PCDHGA3: variants seen among roughly 807,000 people sequenced by gnomAD.
PCDHGA3 encodes the protein protocadherin gamma-A3.
A neutral mutation model predicts 58.5 loss-of-function variants in PCDHGA3; 40 were observed. The observed-to-expected ratio is 0.68, with a 90% CI of 0.53 to 0.89. The LOEUF is 0.89. Among genes scored for constraint, PCDHGA3 ranks in the 40% least tolerant of loss-of-function variants. The pLI, the probability that PCDHGA3 is intolerant of heterozygous loss-of-function variation, is 0.00. For synonymous variants in PCDHGA3, 530 were observed against 525.7 expected, an observed-to-expected ratio of 1.01 and a Z score of -0.11; for missense variants, 1,223 against 1,195.9, an observed-to-expected ratio of 1.02 and a Z score of -0.33.
intron 1 of PCDHGA3, chr5:141,409,191 A>G: frequency 1.2e-6 from 2 of 1,613,970 alleles, no homozygotes; most frequent in African/African-American, 2.7e-5. Flanking sequence ...CTCTCTACCC[A>G]GTGTAAAGTA....
rs560733170 is a variant in PCDHGA3, at chr5:141,503,895, A to G, written c.2484-1498A>G. ...TTGTGCTCACCCACCATGACAAAATATGCACACACACAACGCAACACACAC... is the reference window on the plus strand; with the variant it reads ...TTGTGCTCACCCACCATGACAAAATGTGCACACACACAACGCAACACACAC... On this transcript the variant is annotated intron_variant, in intron 2 of 3. Transcript: ENST00000253812. Among the ~76,000 whole-genome samples, 12 of 152,302 alleles carry G rather than the reference A, an allele frequency of 7.9e-5. No individual in the cohort carries two copies. The South Asian group carries it at 2.1e-3, about 26-fold the overall frequency.
chr5:141,482,591 A>G lies in PCDHGA3; in HGVS notation c.2425-12216A>G, dbSNP rs115650612. Among the ~76,000 whole-genome samples the G allele has an allele frequency of 6.3e-4, 95 of 151,838 alleles. 1 individual carries two copies. The highest frequency in any genetic ancestry group is 2.3e-3 in the African/African-American group (95 of 41,350). On this transcript the variant is annotated intron_variant, in intron 1 of 3. Coordinates refer to ENST00000253812, the MANE Select transcript of PCDHGA3 (RefSeq NM_018916.4). ...ATAGCATAAGATGCAGTGGGACCAA[A>G]CGGGAAAAAACACCTAAATGAGCCT...
intron 1 of PCDHGA3, among the ~76,000 whole-genome samples, chr5:141,368,153 C>T (rs1012030751): frequency 2.6e-5 from 4 of 152,064 alleles, no homozygotes; most frequent in Non-Finnish European, 4.4e-5. Context: ...ACTTTTAAAA[C>T]CTTGAGCATC....
intron 1 of PCDHGA3, chr5:141,371,841 C>T: frequency 6.2e-7 from 1 of 1,613,716 alleles, no homozygotes; most frequent in Non-Finnish European, 8.5e-7. Context: ...CGACTTGGGA[C>T]CTAATGGCCT....
chr5:141,421,515 CTG>C, intron 1 of PCDHGA3: 1 of 1,614,080 alleles, frequency 6.2e-7, no homozygotes, highest in Non-Finnish European at 8.5e-7. Context: ...GGGAGGAGCT[CTG>C]TGAGACGGTG....
intron 1 of PCDHGA3, chr5:141,383,196 T>C (rs7704696): frequency 0.066 from 106,221 of 1,613,864 alleles, 4,924 homozygotes; most frequent in African/African-American, 0.24. Context: ...GCGCTCAGAG[T>C]GCGCGGTGTC....
At chr5:141,394,243 A>G (rs2092952699) in intron 1 of PCDHGA3, 2 of 1,613,844 alleles carry the variant, frequency 1.2e-6, no homozygotes, top group East Asian at 4.5e-5. Context: ...TTGACTGCAC[A>G]CGACCCCGAC....
intron 1 of PCDHGA3, chr5:141,392,941 C>T (rs780347240): frequency 6.2e-7 from 1 of 1,613,940 alleles, no homozygotes. Context: ...GACAAAGGCT[C>T]CTTCGTGGGT....
intron 1 of PCDHGA3, chr5:141,392,285 A>G (rs554377698): frequency 6.6e-6 from 1 of 152,312 alleles, no homozygotes; most frequent in East Asian, 1.9e-4. Flanking sequence ...TTAGAGCACA[A>G]TGGGAAATGA....
At chr5:141,421,417 G>A (rs1188564125) in intron 1 of PCDHGA3, 2 of 1,613,950 alleles carry the variant, frequency 1.2e-6, no homozygotes, top group Non-Finnish European at 1.7e-6. Context: ...GGCGAAGCGC[G>A]GAGTCCGCAT....
rs756332070 is a variant in PCDHGA3, at chr5:141,431,578, C to A, written c.2425-63229C>A. The stretch of plus-strand genomic sequence containing the variant: ...ACGCTACCGACCCTGACGAAGGAGT[C>A]AATGCGGAAGTGAGGTATTCCTTCC... On this transcript the variant is annotated intron_variant, in intron 1 of 3. Transcript: ENST00000253812. This position sits in a 1 kb window ranked among gnomAD's most constrained non-coding sequence, Gnocchi z 4.8. 6.2e-7 allele frequency: 1 copy of A among 1,614,164 alleles called. No homozygotes were observed. Among genetic ancestry groups the A allele is most frequent in the African/African-American group, 1.3e-5 (1 of 75,060 alleles).
chr5:141,398,835 T>G (rs371527677), intron 1 of PCDHGA3: 60 of 1,613,796 alleles, frequency 3.7e-5, no homozygotes, highest in Non-Finnish European at 4.9e-5. Context: ...CCGACGCCAA[T>G]GATAATCCCC....
chr5:141,375,377 C>G, intron 1 of PCDHGA3: 1 of 1,613,940 alleles, frequency 6.2e-7, no homozygotes, highest in South Asian at 1.1e-5. Context: ...AACACCACCT[C>G]TGTCTACAGA....
intron 1 of PCDHGA3, among the ~76,000 whole-genome samples, chr5:141,450,815 A>ATTATTAT (rs1554136868): frequency 7.9e-6 from 1 of 126,684 alleles, no homozygotes; most frequent in African/African-American, 3.3e-5. Context: ...TATTTATTTA[A>ATTATTAT]TATTATTATT....
intron 1 of PCDHGA3, chr5:141,478,265 G>C: frequency 1.2e-6 from 2 of 1,614,196 alleles, no homozygotes; most frequent in Non-Finnish European, 1.7e-6. Flanking sequence ...CATATTCAAA[G>C]TTTACAAGTG....
chr5:141,374,893 TGAA>T, intron 1 of PCDHGA3: 1 of 1,613,834 alleles, frequency 6.2e-7, no homozygotes, highest in Non-Finnish European at 8.5e-7. Context: ...CCGACCAGGA[TGAA>T]GGAGTCCACG....
At chr5:141,361,429 C>T (rs1762019360) in intron 1 of PCDHGA3, 1 of 1,614,066 alleles carries the variant, frequency 6.2e-7, no homozygotes. Flanking sequence ...CAAGCCGCCC[C>T]TCTCCTCCAG....
In PCDHGA3 at chr5:141,346,230, G is replaced by C; in HGVS notation, c.2197G>C (p.Ala733Pro). ...RLLQASGGGL[A>P]STPGSHFVGA... Reference sequence around the variant, plus strand: ...GCTGCAGGCTTCGGGAGGCGGCTTGGCGAGTACGCCCGGCTCGCACTTTGT... The same window carrying C: ...GCTGCAGGCTTCGGGAGGCGGCTTGCCGAGTACGCCCGGCTCGCACTTTGT... Residue 733 changes from alanine (A) to proline (P), a missense_variant, in exon 1 of 4, where the codon GCG (alanine) becomes CCG (proline). Transcript: ENST00000253812. 6.2e-7 allele frequency: 1 copy of C among 1,614,176 alleles called. No individual in the cohort carries two copies. Among genetic ancestry groups the C allele is most frequent in the South Asian group, 1.1e-5 (1 of 91,074 alleles).
At chr5:141,405,450 T>G in intron 1 of PCDHGA3, 7 of 1,286,684 alleles carry the variant, frequency 5.4e-6, no homozygotes, top group South Asian at 1.4e-5. Flanking sequence ...GACAGAGTCT[T>G]ACTCTGTTAC....
Sources: allele counts gnomAD v4.1 joint callset (sites outside exome capture counted in the v4.1 genomes callset), GRCh38; gene constraint gnomAD v4.1.1; non-coding constraint Gnocchi (gnomAD v3.1); transcripts MANE v1.5; gene names NCBI Gene and HGNC (gene_info 2026-07-23, HGNC 2026-07-21).